The following BCLAF3 variants were observed in gnomAD, a reference collection of about 807,000 sequenced individuals.
The protein encoded by BCLAF3 is transient octamer binding factor 1.
In BCLAF3, 24 loss-of-function variants were observed where a neutral mutation model predicts 51.2. That is an observed-to-expected ratio of 0.47 (90% CI 0.34 to 0.66). The LOEUF (loss-of-function observed/expected upper bound fraction) is 0.66. Among genes scored for constraint, BCLAF3 ranks in the 30% least tolerant of loss-of-function variants. BCLAF3 has a pLI of 0.01. For missense variants in BCLAF3, 465 were observed against 525.1 expected (o/e 0.89, Z 1.12); for synonymous variants, 152 against 176.6 (o/e 0.86, Z 1.10).
At chrX:19,960,758 G>C (rs1436206450) in intron 4 of BCLAF3, among the ~76,000 whole-genome samples, 1 of 111,422 alleles carries the variant, frequency 9.0e-6, no homozygotes, top group Non-Finnish European at 1.9e-5. Context: ...TTTCCTCAGA[G>C]TGTCAGGGTC....
intron 9 of BCLAF3, among the ~76,000 whole-genome samples, chrX:19,936,761 A>C (rs1463825472): frequency 1.8e-5 from 2 of 111,792 alleles, no homozygotes; most frequent in Admixed American, 9.6e-5. Flanking sequence ...CTGCCCTATA[A>C]AAAGGCAAAT....
intron 8 of BCLAF3, among the ~76,000 whole-genome samples, chrX:19,940,265 T>G (rs369553536): frequency 1.2e-5 from 1 of 81,748 alleles, no homozygotes; most frequent in African/African-American, 8.4e-5. Context: ...TTATTTTTTA[T>G]TTATTTATTT....
chrX:19,929,620 A>T, intron 11 of BCLAF3, 165 bp downstream of exon 11: 1 of 459,007 alleles, frequency 2.2e-6, no homozygotes, highest in Non-Finnish European at 3.6e-6. Flanking sequence ...CAACTGTATT[A>T]CCATTACTCC....
At chrX:19,979,637 A>G (rs2148028902) in intron 1 of BCLAF3, among the ~76,000 whole-genome samples, 1 of 110,976 alleles carries the variant, frequency 9.0e-6, no homozygotes, top group South Asian at 3.8e-4. Flanking sequence ...TATATTCAAA[A>G]TCATTTGAGG....
At chrX:19,960,003 C>T (rs940658597) in intron 4 of BCLAF3, among the ~76,000 whole-genome samples, 18 of 110,382 alleles carry the variant, frequency 1.6e-4, no homozygotes, top group Admixed American at 1.9e-4. Context: ...ACTATGTTTC[C>T]CAGGCTAGTC....
chrX:19,921,045 T>C (rs2070137696), intron 11 of BCLAF3, among the ~76,000 whole-genome samples: 1 of 111,381 alleles, frequency 9.0e-6, no homozygotes, highest in Non-Finnish European at 1.9e-5. Context: ...GGAACAAAGG[T>C]ACAAATACAT....
At chrX:19,979,919 GA>G (rs904026553) in intron 1 of BCLAF3, among the ~76,000 whole-genome samples, 1 of 109,267 alleles carries the variant, frequency 9.2e-6, no homozygotes, top group Admixed American at 9.9e-5. Flanking sequence ...GAGGGAAAGG[GA>G]GAGAGAGAGA....
At position 19,966,192 on chromosome X, in the gene BCLAF3, C is replaced by T. The variant is rs1241479811; in HGVS notation, c.499G>A (p.Gly167Arg). The T allele has an allele frequency of 1.7e-6, 2 of 1,209,596 alleles. No individual in the cohort carries two copies. Among genetic ancestry groups the T allele is most frequent in the African/African-American group, 3.5e-5 (2 of 57,060 alleles). The stretch of plus-strand genomic sequence containing the variant: ...CTCAACTCATCTTCATGCCACTTTC[C>T]TTCAAATCTAAAAGAATCTGCTATT... ...RSIADSFRFEGKWHEDELRHQ... is the reference protein window; with the variant it reads ...RSIADSFRFERKWHEDELRHQ... Residue 167 changes from glycine to arginine, a missense_variant, in exon 3 of 12, where the codon GGA becomes AGA. Gly to Arg is a moderately radical substitution (Grantham distance 125, BLOSUM62 -2). Coordinates refer to ENST00000379682, the MANE Select transcript of BCLAF3 (RefSeq NM_001367774.2).
intron 10 of BCLAF3, among the ~76,000 whole-genome samples, chrX:19,932,094 T>C (rs2070580492): frequency 1.8e-5 from 2 of 112,357 alleles, no homozygotes; most frequent in African/African-American, 6.5e-5. Context: ...TATTCCCAAA[T>C]GTGTGTTCTT....
At chrX:19,961,282 T>G (rs1261812148) in intron 4 of BCLAF3, among the ~76,000 whole-genome samples, 1 of 112,686 alleles carries the variant, frequency 8.9e-6, no homozygotes, top group Non-Finnish European at 1.9e-5. Flanking sequence ...TAATGAAGTT[T>G]CTGACAGAGT....
Position 19,968,306 on chromosome X carries a change from G to C in BCLAF3, c.42-1657C>G, listed in dbSNP as rs138938990. On this transcript the variant is annotated intron_variant, in intron 2 of 11. Transcript: ENST00000379682. Reference sequence around the variant, plus strand: ...GCCTTGCGAGCGCCCTGTGAGCAGAGGCACTGACAACCTTTGTTCTAAGGC... The same window carrying C: ...GCCTTGCGAGCGCCCTGTGAGCAGACGCACTGACAACCTTTGTTCTAAGGC... Among the ~76,000 whole-genome samples the C allele has an allele frequency of 7.5e-3, 843 of 112,555 alleles. 8 individuals carry two copies. The highest frequency in any genetic ancestry group is 0.025 in the African/African-American group (783 of 31,026).
At chrX:19,965,746 A>T in intron 3 of BCLAF3, 40 bp from the exon 4 acceptor site, 1 of 1,081,937 alleles carries the variant, frequency 9.2e-7, no homozygotes. Flanking sequence ...CAATAGAGAG[A>T]AGAAAGGGAG....
chrX:19,948,864 G>T (rs2071393730), intron 8 of BCLAF3, among the ~76,000 whole-genome samples: 1 of 110,722 alleles, frequency 9.0e-6, no homozygotes, highest in South Asian at 3.9e-4. Context: ...AGTTGCCAGG[G>T]ACTAAGGGGG....
chrX:19,923,670 G>A (rs1386820965), intron 11 of BCLAF3, among the ~76,000 whole-genome samples: 1 of 110,300 alleles, frequency 9.1e-6, no homozygotes, highest in Admixed American at 9.7e-5. Context: ...CGAGTCACTG[G>A]CAACCACTAA....
At chrX:19,963,858 G>GA in intron 4 of BCLAF3, among the ~76,000 whole-genome samples, 1 of 109,435 alleles carries the variant, frequency 9.1e-6, no homozygotes, top group East Asian at 2.9e-4. Flanking sequence ...TACAAAAAAA[G>GA]AAAAAAATTA....
intron 8 of BCLAF3, among the ~76,000 whole-genome samples, chrX:19,948,357 T>C (rs1014967208): frequency 8.9e-6 from 1 of 112,396 alleles, no homozygotes; most frequent in Non-Finnish European, 1.9e-5. Flanking sequence ...TACAATGGAA[T>C]ATTATTCAGC....
At chrX:19,950,729 G>A in intron 8 of BCLAF3, 24 bp downstream of exon 8, 1 of 1,062,924 alleles carries the variant, frequency 9.4e-7, no homozygotes, top group South Asian at 2.0e-5. Flanking sequence ...CCTGATAACA[G>A]GATGTTTGTC....
chrX:19,947,924 A>T (rs2071362810), intron 8 of BCLAF3, among the ~76,000 whole-genome samples: 1 of 112,784 alleles, frequency 8.9e-6, no homozygotes, highest in South Asian at 3.6e-4. Flanking sequence ...ACTTGATTTT[A>T]AAAGTTTATA....
At chrX:19,959,284 A>G (rs1450012922) in intron 4 of BCLAF3, among the ~76,000 whole-genome samples, 2 of 111,743 alleles carry the variant, frequency 1.8e-5, no homozygotes, top group Non-Finnish European at 3.8e-5. Flanking sequence ...TCTTCTGCTG[A>G]GTCACACATG....
Sources: allele counts gnomAD v4.1 joint callset (sites outside exome capture counted in the v4.1 genomes callset), GRCh38; gene constraint gnomAD v4.1.1; transcripts MANE v1.5; gene names NCBI Gene and HGNC (gene_info 2026-07-23, HGNC 2026-07-21).